RANBP17: variants seen among roughly 807,000 people sequenced by gnomAD.
RANBP17 encodes RAN binding protein 17.
RANBP17 carries 158 observed loss-of-function variants against 141.2 expected under a neutral mutation model. The observed-to-expected ratio is 1.12, with a 90% CI of 0.98 to 1.28. The LOEUF (loss-of-function observed/expected upper bound fraction) is 1.28, where lower values mean the gene tolerates loss of function less well. Ranked by LOEUF, RANBP17 falls within the 50% of genes most tolerant of loss-of-function variation. The pLI is 0.00. For missense variants in RANBP17, 1,438 were observed against 1,290.7 expected (o/e 1.11, Z -1.75); for synonymous variants, 430 against 450.0 (o/e 0.96, Z 0.56).
In RANBP17 at chr5:171,277,637, G is replaced by GTATATATATATATATATATATA. The variant is rs70982330; in HGVS notation, c.2943+11800_2943+11821dup. ...GTGCCTTACGTATACATATATGTAT[G>GTATATATATATATATATATATA]TATATATATATATATATATATATAT... On this transcript the variant is annotated intron_variant, in intron 25 of 27. Transcript: ENST00000523189. Among the ~76,000 whole-genome samples, 73 of 56,870 alleles carry GTATATATATATATATATATATA rather than the reference G, an allele frequency of 1.3e-3. 2 individuals are homozygous for GTATATATATATATATATATATA. Among genetic ancestry groups the GTATATATATATATATATATATA allele is most frequent in the East Asian group, 3.5e-3 (4 of 1,138 alleles). The allele number at this position is 56,870 out of a possible 152,430, so 37.3% of individuals were successfully genotyped here. A position where few individuals can be genotyped will look rare whatever the true frequency, so the allele number is the denominator to read the frequency against.
chr5:170,924,706 G>A, intron 12 of RANBP17, 156 bp downstream of exon 12: 1 of 468,858 alleles, frequency 2.1e-6, no homozygotes, highest in Non-Finnish European at 3.6e-6. Flanking sequence ...TGGGTATATT[G>A]GTAATTTGTT....
intron 14 of RANBP17, among the ~76,000 whole-genome samples, chr5:170,975,987 A>G (rs10043373): frequency 1.1e-5 from 1 of 91,236 alleles, no homozygotes; most frequent in Non-Finnish European, 2.7e-5. Flanking sequence ...ATAAATAGGC[A>G]AAAAACAAAA....
At chr5:171,088,749 T>C (rs1785920283) in intron 14 of RANBP17, among the ~76,000 whole-genome samples, 1 of 152,186 alleles carries the variant, frequency 6.6e-6, no homozygotes, top group Admixed American at 6.5e-5. Context: ...TTCCAGTTGA[T>C]CGCATCGGCT....
chr5:171,242,441 C>T (rs954928090), intron 23 of RANBP17, among the ~76,000 whole-genome samples: 6 of 152,098 alleles, frequency 3.9e-5, no homozygotes, highest in South Asian at 2.1e-4. Flanking sequence ...TTCTAAATAT[C>T]GTACTGCAGG....
intron 5 of RANBP17, among the ~76,000 whole-genome samples, chr5:170,908,486 G>A (rs1771253401): frequency 6.6e-6 from 1 of 151,140 alleles, no homozygotes; most frequent in Non-Finnish European, 1.5e-5. Context: ...CATAAAGATG[G>A]CAACAGTAGA....
intron 11 of RANBP17, 75 bp downstream of exon 11, chr5:170,919,688 A>G: frequency 1.7e-6 from 2 of 1,147,354 alleles, no homozygotes; most frequent in Non-Finnish European, 2.5e-6. Context: ...TTATAAATTT[A>G]AAATTCACCC....
intron 14 of RANBP17, among the ~76,000 whole-genome samples, chr5:171,088,664 TTTTA>T (rs1785912996): frequency 6.6e-6 from 1 of 152,072 alleles, no homozygotes; most frequent in African/African-American, 2.4e-5. Context: ...GCTCCTTTCT[TTTTA>T]TTCTTTTTTC....
intron 3 of RANBP17, among the ~76,000 whole-genome samples, chr5:170,891,688 T>G (rs1213964928): frequency 1.3e-5 from 2 of 152,012 alleles, no homozygotes; most frequent in East Asian, 3.9e-4. Flanking sequence ...GGGGAGGTGC[T>G]TCACACTTTA....
At chr5:171,242,499 T>G (rs568471403) in intron 23 of RANBP17, among the ~76,000 whole-genome samples, 183 bp from the exon 24 acceptor site, 1 of 152,352 alleles carries the variant, frequency 6.6e-6, no homozygotes, top group East Asian at 1.9e-4. Flanking sequence ...GATCAAGCGA[T>G]TCCTATCAGA....
intron 16 of RANBP17, among the ~76,000 whole-genome samples, chr5:171,177,593 A>T (rs901927266): frequency 2.6e-5 from 4 of 152,136 alleles, no homozygotes; most frequent in African/African-American, 9.7e-5. Flanking sequence ...CCCTCATTTG[A>T]CACACTGTAA....
At chr5:171,073,499 G>A (rs1784743928) in intron 14 of RANBP17, among the ~76,000 whole-genome samples, 1 of 152,124 alleles carries the variant, frequency 6.6e-6, no homozygotes. Flanking sequence ...GAAGTTACAA[G>A]TAAACAACAG....
At chr5:170,956,485 A>G (rs1193788854) in intron 13 of RANBP17, among the ~76,000 whole-genome samples, 1 of 152,006 alleles carries the variant, frequency 6.6e-6, no homozygotes, top group Non-Finnish European at 1.5e-5. Flanking sequence ...AAATTGAATT[A>G]CTTGAAAATA....
intron 14 of RANBP17, among the ~76,000 whole-genome samples, chr5:171,060,993 G>C (rs1783797760): frequency 2.7e-5 from 4 of 150,226 alleles, no homozygotes; most frequent in African/African-American, 9.8e-5. Context: ...TATTTCTGTG[G>C]GATCGGTGGT....
intron 1 of RANBP17, among the ~76,000 whole-genome samples, chr5:170,877,274 A>G (rs944526392): frequency 5.3e-5 from 8 of 151,888 alleles, no homozygotes; most frequent in Non-Finnish European, 7.4e-5. Flanking sequence ...AAAATAATAT[A>G]TATATATTTT....
rs761996337 is a variant in RANBP17 at position 171,265,783 on chromosome 5, A to G, written c.2879A>G (p.Glu960Gly). 1 of 1,614,138 alleles carries G rather than the reference A, an allele frequency of 6.2e-7. No homozygotes were observed. The highest frequency in any genetic ancestry group is 2.2e-5 in the East Asian group (1 of 44,882). Residue 960 changes from glutamate to glycine, a missense_variant, in exon 25 of 28, where the codon GAG becomes GGG. Transcript: ENST00000523189. ...GGCAAGAAGCCACTTCGATGCAGAGAGGCTACCCAGGCTGGTCAGAGACTA... is the reference window on the plus strand; with the variant it reads ...GGCAAGAAGCCACTTCGATGCAGAGGGGCTACCCAGGCTGGTCAGAGACTA... The part of the protein sequence containing the change: ...KEGKKPLRCR[E>G]ATQAGQRLLH...
chr5:171,000,973 G>C (rs765358553), intron 14 of RANBP17, among the ~76,000 whole-genome samples: 1 of 152,154 alleles, frequency 6.6e-6, no homozygotes, highest in South Asian at 2.1e-4. Context: ...GCTTCAGGCC[G>C]TCCGGATGTA....
chr5:171,215,354 G>T (rs1236005490), intron 21 of RANBP17, among the ~76,000 whole-genome samples: 1 of 152,080 alleles, frequency 6.6e-6, no homozygotes, highest in Non-Finnish European at 1.5e-5. Context: ...AAATAGTGCT[G>T]CAGTAAACAT....
intron 14 of RANBP17, among the ~76,000 whole-genome samples, chr5:171,149,694 A>G (rs1223376464): frequency 2.6e-5 from 4 of 152,184 alleles, no homozygotes; most frequent in Non-Finnish European, 5.9e-5. Flanking sequence ...GCATCTATCT[A>G]TATTAATGTG....
At chr5:171,084,095 A>T (rs957062792) in intron 14 of RANBP17, among the ~76,000 whole-genome samples, 1 of 140,908 alleles carries the variant, frequency 7.1e-6, no homozygotes, top group African/African-American at 2.6e-5. Flanking sequence ...ATATCTCCCA[A>T]TGCTATCCCT....
Sources: gnomAD v4.1 joint callset for allele counts (sites outside exome capture counted in the v4.1 genomes callset) on GRCh38, gnomAD v4.1.1 for gene constraint, MANE v1.5 for transcripts, NCBI Gene and HGNC (gene_info 2026-07-23, HGNC 2026-07-21) for gene names.